The following TNRC6C variants were observed in gnomAD, a reference collection of about 807,000 sequenced individuals.
TNRC6C encodes trinucleotide repeat-containing gene 6C protein.
Under a neutral mutation model 153.7 loss-of-function variants are expected in TNRC6C, and 20 were observed. The ratio of observed to expected loss-of-function variants is 0.13; its 90% CI spans 0.09 to 0.19. TNRC6C has a LOEUF of 0.19. TNRC6C is among the 10% of genes least tolerant of loss of function. The pLI, the probability that TNRC6C is intolerant of heterozygous loss-of-function variation, is 1.00. For missense variants in TNRC6C, 1,987 were observed against 2,172.0 expected (o/e 0.91, Z 1.69); for synonymous variants, 811 against 841.4 (o/e 0.96, Z 0.63).
At chr17:78,108,400 C>T (rs1475345814) in exon 20 of TNRC6C, 1 of 154,876 alleles carries the variant, frequency 6.5e-6, no homozygotes, top group Non-Finnish European at 1.5e-5. Context: ...ACTCAAAATG[C>T]ACTTGAACCT....
intron 1 of TNRC6C, among the ~76,000 whole-genome samples, chr17:78,005,701 C>T (rs2071484809): frequency 6.6e-6 from 1 of 152,234 alleles, no homozygotes; most frequent in South Asian, 2.1e-4. Flanking sequence ...GTTAAGAGCA[C>T]CCACTCAGGA....
intron 1 of TNRC6C, among the ~76,000 whole-genome samples, chr17:77,961,192 G>C (rs373563741): frequency 7.5e-6 from 1 of 133,184 alleles, no homozygotes; most frequent in Non-Finnish European, 1.6e-5. Flanking sequence ...TTTCGTTCTT[G>C]TTGCCCAGGC....
intron 1 of TNRC6C, among the ~76,000 whole-genome samples, chr17:77,989,696 T>G (rs1319673519): frequency 6.6e-6 from 1 of 152,230 alleles, no homozygotes; most frequent in Non-Finnish European, 1.5e-5. Flanking sequence ...TGGATATCCT[T>G]ATACCTAAAA....
chr17:78,097,698 C>G, intron 16 of TNRC6C, 47 bp from the exon 19 acceptor site: 1 of 1,396,838 alleles, frequency 7.2e-7, no homozygotes, highest in Non-Finnish European at 9.7e-7. Context: ...GAGTCATGAA[C>G]CCGGACACCG....
intron 1 of TNRC6C, among the ~76,000 whole-genome samples, chr17:77,996,602 C>T (rs979275781): frequency 3.3e-5 from 5 of 152,222 alleles, no homozygotes; most frequent in Admixed American, 3.3e-4. Context: ...GCAAAAACAA[C>T]TTATTCCTGA....
intron 1 of TNRC6C, among the ~76,000 whole-genome samples, chr17:77,969,087 G>C (rs1286526440): frequency 6.6e-6 from 1 of 152,144 alleles, no homozygotes; most frequent in Non-Finnish European, 1.5e-5. Context: ...CATGTGCCAA[G>C]TACAGAGCAC....
intron 1 of TNRC6C, among the ~76,000 whole-genome samples, chr17:77,975,234 G>GT (rs145066507): frequency 0.016 from 2,419 of 151,066 alleles, 70 homozygotes; most frequent in African/African-American, 0.054. Flanking sequence ...ACCTTAGGAG[G>GT]TTTTTTTTTA....
chr17:78,040,689 GAAGAA>G (rs1021062967), intron 2 of TNRC6C, among the ~76,000 whole-genome samples: 4 of 152,218 alleles, frequency 2.6e-5, no homozygotes, highest in Non-Finnish European at 5.9e-5. Flanking sequence ...CAAAAACACA[GAAGAA>G]AAGTGGCTGT....
At chr17:78,019,457 A>G (rs891671883) in intron 1 of TNRC6C, among the ~76,000 whole-genome samples, 2 of 152,244 alleles carry the variant, frequency 1.3e-5, no homozygotes, top group East Asian at 1.9e-4. Context: ...TGTTATGACA[A>G]CACTACCTGA....
chr17:77,964,416 G>A (rs1200709217), intron 1 of TNRC6C, among the ~76,000 whole-genome samples: 1 of 152,178 alleles, frequency 6.6e-6, no homozygotes, highest in African/African-American at 2.4e-5. Flanking sequence ...CTTTTGACGT[G>A]GCTAATACCA....
chr17:78,041,983 T>A (rs1052015131), intron 2 of TNRC6C, among the ~76,000 whole-genome samples: 5 of 152,234 alleles, frequency 3.3e-5, no homozygotes, highest in African/African-American at 1.2e-4. Context: ...TGATACCTAA[T>A]TAAAATTTTG....
At chr17:78,016,096 A>G (rs1364178615) in intron 1 of TNRC6C, among the ~76,000 whole-genome samples, 2 of 152,198 alleles carry the variant, frequency 1.3e-5, no homozygotes, top group Non-Finnish European at 2.9e-5. Flanking sequence ...GCCTTCAGAA[A>G]TGACTCCCCA....
intron 1 of TNRC6C, among the ~76,000 whole-genome samples, chr17:77,986,583 T>C (rs1322517477): frequency 6.6e-6 from 1 of 152,114 alleles, no homozygotes; most frequent in Non-Finnish European, 1.5e-5. Context: ...AGCATGACAA[T>C]ATGGTTGTAA....
intron 3 of TNRC6C, among the ~76,000 whole-genome samples, chr17:78,054,710 CACTGCAGACT>C (rs1210848514): frequency 2.0e-5 from 3 of 151,780 alleles, no homozygotes; most frequent in Middle Eastern, 3.4e-3. Context: ...TACTATACAC[CACTGCAGACT>C]ACTACAGACT....
chr17:77,983,310 A>G (rs59402438), intron 1 of TNRC6C, among the ~76,000 whole-genome samples: 1 of 152,138 alleles, frequency 6.6e-6, no homozygotes, highest in Non-Finnish European at 1.5e-5. Context: ...TGAGGCTATA[A>G]CCCATTTGGG....
At chr17:78,031,516 T>A in exon 2 of TNRC6C, 1 of 1,232,156 alleles carries the variant, frequency 8.1e-7, no homozygotes, top group Non-Finnish European at 1.0e-6. Flanking sequence ...TTCATTTTAG[T>A]GCCAGAACCT....
intron 3 of TNRC6C, among the ~76,000 whole-genome samples, chr17:78,061,056 A>T (rs2072758820): frequency 6.6e-6 from 1 of 152,190 alleles, no homozygotes. Flanking sequence ...TTAAAATTGA[A>T]TGAAAACTAC....
intron 1 of TNRC6C, among the ~76,000 whole-genome samples, chr17:77,968,066 C>A (rs1298784902): frequency 6.6e-6 from 1 of 152,218 alleles, no homozygotes; most frequent in Non-Finnish European, 1.5e-5. Flanking sequence ...CAGAGCCTCG[C>A]TCTGTTGCCC....
At position 78,091,373 on chromosome 17, in the gene TNRC6C, A is replaced by G. The variant is rs966206672; in HGVS notation, c.3803-67A>G. 1.8e-5 allele frequency: 26 copies of G among 1,438,344 alleles called. 1 individual carries two copies. The highest frequency in any genetic ancestry group is 1.8e-4 in the Middle Eastern group (1 of 5,482). 89.1% of individuals were successfully genotyped at this position (1,438,344 alleles called of 1,614,324 possible). ...GTAAGCGAAGACTGAAATAGCTTCT[A>G]TAGGAGAGCTTTAGAATGAAGTCAT... On this transcript the variant is annotated intron_variant, in intron 13 of 19. Transcript: ENST00000301624.
Sources: allele counts gnomAD v4.1 joint callset (sites outside exome capture counted in the v4.1 genomes callset), GRCh38; gene constraint gnomAD v4.1.1; transcripts MANE v1.5; gene names NCBI Gene and HGNC (gene_info 2026-07-23, HGNC 2026-07-21).